The following POLR1A variants were observed in gnomAD, a reference collection of about 807,000 sequenced individuals.
The protein encoded by POLR1A is DNA-directed RNA polymerase I subunit RPA1.
Under a neutral mutation model 205.3 loss-of-function variants are expected in POLR1A, and 84 were observed. The ratio of observed to expected loss-of-function variants is 0.41; its 90% CI spans 0.34 to 0.49. The LOEUF (loss-of-function observed/expected upper bound fraction) is 0.49, where lower values mean the gene tolerates loss of function less well. Among genes scored for constraint, POLR1A ranks in the 20% least tolerant of loss-of-function variants. The pLI, the probability that POLR1A is intolerant of heterozygous loss-of-function variation, is 0.22. For missense variants in POLR1A, 1,645 were observed against 2,204.5 expected, an observed-to-expected ratio of 0.75 and a Z score of 5.08; for synonymous variants, 799 against 863.7, an observed-to-expected ratio of 0.93 and a Z score of 1.31.
At chr2:86,044,853 G>A (rs7569577) in intron 21 of POLR1A, among the ~76,000 whole-genome samples, 1,882 of 152,170 alleles carry the variant, frequency 0.012, 48 homozygotes, top group African/African-American at 0.043. Context: ...TTACCTCTCC[G>A]GACACTCTGC....
At chr2:86,076,724 C>G (rs1193033539) in intron 11 of POLR1A, among the ~76,000 whole-genome samples, 1 of 152,200 alleles carries the variant, frequency 6.6e-6, no homozygotes, top group Non-Finnish European at 1.5e-5. Context: ...AACCCAGCAC[C>G]TAGAAGATAG....
Position 86,066,255 on chromosome 2 carries a change from A to C in POLR1A, c.1867-790T>G, listed in dbSNP as rs577222161. On this transcript the variant is annotated intron_variant, in intron 13 of 33. Transcript: ENST00000263857. The stretch of plus-strand genomic sequence containing the variant: ...GATGTGCATGACTGCAGAAGGGAGA[A>C]TAGCCATTATTAGTTATCTCTTCAC... Among the ~76,000 whole-genome samples, 25 of 152,258 alleles carry C rather than the reference A, an allele frequency of 1.6e-4. No individual in the cohort carries two copies. The South Asian group carries it at 5.0e-3, about 30-fold the overall frequency.
chr2:86,077,350 C>A (rs1044235555), intron 11 of POLR1A, among the ~76,000 whole-genome samples: 3 of 152,184 alleles, frequency 2.0e-5, no homozygotes, highest in Non-Finnish European at 4.4e-5. Context: ...AGAAGCGAAA[C>A]AGGACCTGGG....
rs773994411 is a variant in POLR1A at position 86,031,445 on chromosome 2, T to C, written c.4463A>G (p.His1488Arg). 7 of 1,614,108 alleles carry C rather than the reference T, an allele frequency of 4.3e-6. No homozygotes were observed. The South Asian group carries it at 7.7e-5, about 18-fold the overall frequency. ...ALLTQPRKPT[H>R]SQEPQGPEAM... ...CTCGGGCCCCTGGGGCTCCTGGCTG[T>C]GGGTGGGTTTCCGGGGCTGCGTCAG... is the stretch of plus-strand genomic sequence containing the variant. The change falls in exon 30 of 34, where the codon CAC becomes CGC. Residue 1488 changes from histidine (H) to arginine (R), a missense_variant. His to Arg is a conservative substitution (Grantham distance 29). This residue lies in a region of POLR1A where 394 missense variants were observed against 468.5 expected (regional missense o/e 0.84). Transcript: ENST00000263857.
rs779633328 is a variant in POLR1A, at chr2:86,088,586, T to C, written c.710A>G (p.Gln237Arg). The part of the protein sequence containing the change: ...FPAMVHRTAG[Q>R]KDSEPLGIEE... ...CTCACCCAGGGGCTCAGAGTCCTTC[T>C]GGCCAGCTGTCCTGTGCACCATGGC... Residue 237 changes from glutamine to arginine, a missense_variant, in exon 6 of 34, where the codon CAG becomes CGG. Gln to Arg is a conservative substitution (Grantham distance 43, BLOSUM62 1). This residue lies in a region of POLR1A where 330 missense variants were observed against 375.6 expected (regional missense o/e 0.88). Coordinates refer to ENST00000263857, the MANE Select transcript of POLR1A (RefSeq NM_015425.6). 5.6e-6 allele frequency: 9 copies of C among 1,613,742 alleles called. No individual in the cohort carries two copies. In the South Asian group the frequency reaches 7.7e-5, roughly 14 times the overall value.
At chr2:86,082,243 C>A (rs1673417715) in intron 7 of POLR1A, among the ~76,000 whole-genome samples, 1 of 152,096 alleles carries the variant, frequency 6.6e-6, no homozygotes, top group Non-Finnish European at 1.5e-5. Flanking sequence ...AGCTCTTAAA[C>A]CAGGGACTGA....
At chr2:86,090,276 TC>T (rs1673577885) in intron 3 of POLR1A, among the ~76,000 whole-genome samples, 1 of 150,504 alleles carries the variant, frequency 6.6e-6, no homozygotes, top group Non-Finnish European at 1.5e-5. Context: ...CCACTTGTGG[TC>T]CCAGCTACTT....
intron 9 of POLR1A, among the ~76,000 whole-genome samples, chr2:86,080,144 G>A (rs1458635549): frequency 6.6e-6 from 1 of 152,176 alleles, no homozygotes; most frequent in Non-Finnish European, 1.5e-5. Context: ...AACCCGGACT[G>A]TCTACCCAAG....
chr2:86,047,308 A>T (rs765286287), intron 18 of POLR1A, 45 bp from the exon 19 acceptor site: 3 of 1,313,272 alleles, frequency 2.3e-6, no homozygotes, highest in South Asian at 2.4e-5. Context: ...CACCTTCTTT[A>T]AAAATCCCAG....
At chr2:86,078,064 T>A in intron 10 of POLR1A, 50 bp downstream of exon 10, 1 of 1,612,240 alleles carries the variant, frequency 6.2e-7, no homozygotes, top group Non-Finnish European at 8.5e-7. Context: ...TACACAATGT[T>A]TATTATTTAT....
chr2:86,029,842 C>T (rs1018945181), intron 31 of POLR1A, among the ~76,000 whole-genome samples: 2 of 152,018 alleles, frequency 1.3e-5, no homozygotes, highest in African/African-American at 2.4e-5. Context: ...CCTCGTGATC[C>T]GCCTGCCTTG....
At chr2:86,065,212 AC>A in intron 14 of POLR1A, 61 bp downstream of exon 14, 1 of 1,427,054 alleles carries the variant, frequency 7.0e-7, no homozygotes, top group Admixed American at 1.9e-5. Flanking sequence ...TGAGAATAAA[AC>A]CTTTTACATG....
chr2:86,085,447 G>C (rs1365901816), intron 6 of POLR1A, among the ~76,000 whole-genome samples: 1 of 152,216 alleles, frequency 6.6e-6, no homozygotes, highest in Admixed American at 6.5e-5. Flanking sequence ...GAATGGCCTT[G>C]ACCTTCAGGG....
In POLR1A at chr2:86,078,253, G is replaced by A; in HGVS notation, c.1118C>T (p.Ser373Phe). ...EKDSLIAIDR[S>F]FLSTLPGQSL... ...CTGGCCTGGAAGTGTACTCAAAAAG[G>A]ATCGGTCAATAGCAATCAAAGAGTC... is the stretch of plus-strand genomic sequence containing the variant. The change falls in exon 10 of 34, where the codon TCC becomes TTC. Residue 373 changes from serine (S) to phenylalanine (F), a missense_variant. Coordinates refer to ENST00000263857, the MANE Select transcript of POLR1A (RefSeq NM_015425.6). 1.3e-6 allele frequency: 2 copies of A among 1,598,418 alleles called. No homozygotes were observed. The highest frequency in any genetic ancestry group is 1.7e-6 in the Non-Finnish European group (2 of 1,176,170).
At chr2:86,033,954 G>A (rs139140893) in intron 27 of POLR1A, among the ~76,000 whole-genome samples, 167 bp from the exon 28 acceptor site, 31 of 152,284 alleles carry the variant, frequency 2.0e-4, no homozygotes, top group African/African-American at 4.6e-4. Flanking sequence ...TTTTGGAACC[G>A]TCTCTGGCGT....
chr2:86,068,357 C>T (rs995878101), intron 13 of POLR1A, among the ~76,000 whole-genome samples: 1 of 124,114 alleles, frequency 8.1e-6, no homozygotes, highest in African/African-American at 3.2e-5. Flanking sequence ...TCGAGTGGGG[C>T]TAAGAACACG....
chr2:86,091,992 G>A (rs184459383), intron 3 of POLR1A, among the ~76,000 whole-genome samples: 60 of 152,226 alleles, frequency 3.9e-4, no homozygotes, highest in Admixed American at 1.8e-3. Flanking sequence ...GCGTTTGCCT[G>A]TAGTCCCAGC....
intron 16 of POLR1A, among the ~76,000 whole-genome samples, chr2:86,051,291 CA>C (rs1672798511): frequency 2.0e-5 from 3 of 151,606 alleles, no homozygotes; most frequent in Admixed American, 2.0e-4. Context: ...TCTAGAAAAA[CA>C]AACATCAAAT....
intron 31 of POLR1A, among the ~76,000 whole-genome samples, chr2:86,029,937 T>C (rs541069359): frequency 6.6e-6 from 1 of 152,234 alleles, no homozygotes; most frequent in East Asian, 1.9e-4. Flanking sequence ...TCTACTCAAA[T>C]TAACCCGGGC....
Sources: gnomAD v4.1 joint callset for allele counts (sites outside exome capture counted in the v4.1 genomes callset) on GRCh38, gnomAD v4.1.1 for gene constraint, gnomAD v4.1.1 regional missense constraint, MANE v1.5 for transcripts, NCBI Gene and HGNC (gene_info 2026-07-23, HGNC 2026-07-21) for gene names.